The following SLC24A3 variants were observed in gnomAD, a reference collection of about 807,000 sequenced individuals.
The protein encoded by SLC24A3 is solute carrier family 24 member 3.
Under a neutral mutation model 75.8 loss-of-function variants are expected in SLC24A3, and 28 were observed. That is an observed-to-expected ratio of 0.37 (90% CI 0.27 to 0.51). The LOEUF (loss-of-function observed/expected upper bound fraction) is 0.51. SLC24A3 is among the 20% of genes least tolerant of loss of function. The pLI, the probability that SLC24A3 is intolerant of heterozygous loss-of-function variation, is 0.94. For missense variants in SLC24A3, 663 were observed against 847.8 expected (o/e 0.78, Z 2.71); for synonymous variants, 372 against 334.1 (o/e 1.11, Z -1.24).
intron 3 of SLC24A3, among the ~76,000 whole-genome samples, chr20:19,524,316 G>C (rs924175383): frequency 6.6e-6 from 1 of 152,138 alleles, no homozygotes; most frequent in African/African-American, 2.4e-5. Flanking sequence ...ACTTCAGGAC[G>C]TACAGAATCC....
At chr20:19,660,239 A>G (rs1199159496) in intron 7 of SLC24A3, among the ~76,000 whole-genome samples, 1 of 152,178 alleles carries the variant, frequency 6.6e-6, no homozygotes, top group Non-Finnish European at 1.5e-5. Flanking sequence ...TCACCGGAGT[A>G]GTGTACATTA....
chr20:19,684,445 C>A, intron 11 of SLC24A3, 109 bp downstream of exon 11: 1 of 1,235,272 alleles, frequency 8.1e-7, no homozygotes, highest in Non-Finnish European at 1.1e-6. Context: ...AAGTTTAACA[C>A]CGCAGCATCC....
At chr20:19,514,706 T>G (rs1465366266) in intron 2 of SLC24A3, among the ~76,000 whole-genome samples, 2 of 152,158 alleles carry the variant, frequency 1.3e-5, no homozygotes, top group East Asian at 3.9e-4. Context: ...GGAGGCCTGG[T>G]TAGTGGTGGA....
At chr20:19,411,093 G>T (rs1249540121) in intron 2 of SLC24A3, among the ~76,000 whole-genome samples, 2 of 152,116 alleles carry the variant, frequency 1.3e-5, no homozygotes, top group Non-Finnish European at 2.9e-5. Flanking sequence ...GCCATTTTGG[G>T]CACCGATGGC....
rs1335350493 is a variant in SLC24A3 at position 19,325,761 on chromosome 20, CATACATATATAT to C, written c.271+44690_271+44701del. Among the ~76,000 whole-genome samples the C allele has an allele frequency of 1.4e-3, 62 of 44,432 alleles. 1 individual carries two copies. The highest frequency in any genetic ancestry group is 2.7e-3 in the South Asian group (4 of 1,484). The allele number at this position is 44,432 out of a possible 152,430, so 29.1% of individuals were successfully genotyped here. ...GTGTGTGTGTGTGTGTGTATACATA[CATACATATATAT>C]ATACATATATATATATATATATAGA... On this transcript the variant is annotated intron_variant, in intron 2 of 16. Coordinates refer to ENST00000328041, the MANE Select transcript of SLC24A3 (RefSeq NM_020689.4).
intron 2 of SLC24A3, among the ~76,000 whole-genome samples, chr20:19,507,448 G>A (rs115763976): frequency 1.9e-3 from 290 of 152,338 alleles, no homozygotes; most frequent in African/African-American, 6.9e-3. Flanking sequence ...TTTTACTCAT[G>A]CTACACGTAC....
At chr20:19,396,660 G>A (rs1986459616) in intron 2 of SLC24A3, among the ~76,000 whole-genome samples, 1 of 152,182 alleles carries the variant, frequency 6.6e-6, no homozygotes, top group Non-Finnish European at 1.5e-5. Context: ...ATCAGTATCA[G>A]CACTGTTTTA....
At chr20:19,549,679 GA>G (rs527488057) in intron 3 of SLC24A3, among the ~76,000 whole-genome samples, 10 of 152,292 alleles carry the variant, frequency 6.6e-5, no homozygotes, top group Admixed American at 3.9e-4. Flanking sequence ...AGCTACTCAG[GA>G]GGCTGAGGCA....
intron 2 of SLC24A3, among the ~76,000 whole-genome samples, chr20:19,326,838 C>T (rs1452746537): frequency 6.6e-6 from 1 of 152,118 alleles, no homozygotes; most frequent in Non-Finnish European, 1.5e-5. Flanking sequence ...CTGCCTCAGC[C>T]TCCTAAAGTA....
chr20:19,285,846 G>A (rs1031549142), intron 2 of SLC24A3, among the ~76,000 whole-genome samples: 1 of 152,134 alleles, frequency 6.6e-6, no homozygotes, highest in African/African-American at 2.4e-5. Flanking sequence ...GACAACTGTA[G>A]CAGAAATGAA....
chr20:19,469,157 G>C (rs1417803355), intron 2 of SLC24A3, among the ~76,000 whole-genome samples: 1 of 152,132 alleles, frequency 6.6e-6, no homozygotes, highest in Non-Finnish European at 1.5e-5. Context: ...GATTGTGACA[G>C]AAGCGGACGG....
intron 2 of SLC24A3, among the ~76,000 whole-genome samples, chr20:19,317,059 G>A (rs140451460): frequency 7.2e-5 from 11 of 152,092 alleles, no homozygotes; most frequent in East Asian, 5.8e-4. Context: ...ACAAAAACAA[G>A]CAATGGGGAA....
At chr20:19,308,065 C>T (rs749729056) in intron 2 of SLC24A3, among the ~76,000 whole-genome samples, 1 of 152,186 alleles carries the variant, frequency 6.6e-6, no homozygotes, top group African/African-American at 2.4e-5. Context: ...GTCCCCTCCA[C>T]CAGAACACAA....
chr20:19,279,935 G>A (rs1983608786), intron 1 of SLC24A3, among the ~76,000 whole-genome samples: 1 of 152,220 alleles, frequency 6.6e-6, no homozygotes, highest in Non-Finnish European at 1.5e-5. Flanking sequence ...TATCTACACG[G>A]TACCTAAAGA....
chr20:19,687,513 G>C (rs2032691504), intron 12 of SLC24A3, among the ~76,000 whole-genome samples: 1 of 152,216 alleles, frequency 6.6e-6, no homozygotes, highest in African/African-American at 2.4e-5. Context: ...CCTGTTTTCA[G>C]AGTCCGCCAT....
At chr20:19,475,767 T>C (rs1299048540) in intron 2 of SLC24A3, among the ~76,000 whole-genome samples, 1 of 152,218 alleles carries the variant, frequency 6.6e-6, no homozygotes, top group Non-Finnish European at 1.5e-5. Context: ...TCAGTTTAAT[T>C]TAAAAATTCC....
At chr20:19,663,121 T>C (rs773502798) in intron 7 of SLC24A3, among the ~76,000 whole-genome samples, 3 of 152,014 alleles carry the variant, frequency 2.0e-5, no homozygotes, top group Non-Finnish European at 4.4e-5. Flanking sequence ...AAGGCTGGAA[T>C]GCAGTGGCCA....
At chr20:19,464,648 G>A (rs1180255335) in intron 2 of SLC24A3, among the ~76,000 whole-genome samples, 1 of 152,170 alleles carries the variant, frequency 6.6e-6, no homozygotes, top group East Asian at 1.9e-4. Flanking sequence ...GTTGAAATTA[G>A]CAACAATCAT....
At chr20:19,570,178 AT>A (rs139378023) in intron 3 of SLC24A3, among the ~76,000 whole-genome samples, 5,878 of 152,266 alleles carry the variant, frequency 0.039, 133 homozygotes, top group East Asian at 0.086. Flanking sequence ...AAGCAGGCAC[AT>A]CTTCACATGG....
Sources: allele counts gnomAD v4.1 joint callset (sites outside exome capture counted in the v4.1 genomes callset), GRCh38; gene constraint gnomAD v4.1.1; transcripts MANE v1.5; gene names NCBI Gene and HGNC (gene_info 2026-07-23, HGNC 2026-07-21).